Variants in BEND3 observed in about 807,000 individuals in gnomAD.
BEND3 encodes the protein BEN domain containing 3, also known as BEN domain-containing protein 3.
A neutral mutation model predicts 60.1 loss-of-function variants in BEND3; 13 were observed. The ratio of observed to expected loss-of-function variants is 0.22; its 90% CI spans 0.14 to 0.34. The LOEUF (loss-of-function observed/expected upper bound fraction) is 0.34, where lower values mean the gene tolerates loss of function less well. BEND3 is among the 10% of genes least tolerant of loss of function. The pLI is 1.00. For synonymous variants in BEND3, 497 were observed against 491.5 expected (o/e 1.01, Z -0.15); for missense variants, 896 against 1,138.1 (o/e 0.79, Z 3.06).
chr6:107,115,145 C>CGTGGGGGGGAGGGCGCGGGGCCGGGGA lies in BEND3; in HGVS notation c.-94_-68dup, dbSNP rs1309901525. 4.7e-5 allele frequency: 7 copies of CGTGGGGGGGAGGGCGCGGGGCCGGGGA among 149,372 alleles called. No homozygotes were observed. The highest frequency in any genetic ancestry group is 7.3e-5 in the African/African-American group (3 of 40,962). The allele number at this position is 149,372 out of a possible 1,614,324, so 9.3% of individuals were successfully genotyped here. A position where few individuals can be genotyped will look rare whatever the true frequency, so the allele number is the denominator to read the frequency against. ...GGGCCCGCGCCGAGTTTGGGCGCCA[C>CGTGGGGGGGAGGGCGCGGGGCCGGGGA]GTGGGGGGGAGGGCGCGGGGCCGGG... On this transcript the variant is annotated 5_prime_UTR_variant, in exon 1 of 4. Coordinates refer to ENST00000369042, the MANE Select transcript of BEND3 (RefSeq NM_001367314.1).
At chr6:107,107,086 A>G (rs1381852930) in intron 1 of BEND3, among the ~76,000 whole-genome samples, 2 of 151,880 alleles carry the variant, frequency 1.3e-5, no homozygotes, top group African/African-American at 2.4e-5. Context: ...ACAGGCATGC[A>G]CCACCACATC....
At chr6:107,071,336 C>T (rs921315679) in intron 3 of BEND3, among the ~76,000 whole-genome samples, 4 of 152,338 alleles carry the variant, frequency 2.6e-5, no homozygotes, top group African/African-American at 4.8e-5. Context: ...CTGCCGGCCA[C>T]GGGCAGGTCA....
chr6:107,102,572 A>C (rs1554236867), intron 1 of BEND3, among the ~76,000 whole-genome samples: 2 of 152,182 alleles, frequency 1.3e-5, no homozygotes, highest in African/African-American at 2.4e-5. Context: ...TTTGGAAAAC[A>C]CTTCCGTGTC....
At chr6:107,101,035 G>C (rs2783019) in intron 1 of BEND3, among the ~76,000 whole-genome samples, 55,425 of 151,832 alleles carry the variant, frequency 0.37, 10,738 homozygotes, top group African/African-American at 0.49. Context: ...AACCCCATCT[G>C]TACTAAAAAT....
rs372923904 is a variant in BEND3 at position 107,070,900 on chromosome 6, G to T, written c.291C>A (p.Gly97=). 187 of 1,613,724 alleles carry T rather than the reference G, an allele frequency of 1.2e-4. 1 individual carries two copies. Among genetic ancestry groups the T allele is most frequent in the Non-Finnish European group, 1.5e-4 (177 of 1,179,974 alleles). Residue 97 remains glycine (G), a synonymous_variant, in exon 4 of 4, where the codon GGC becomes GGA. Coordinates refer to ENST00000369042, the MANE Select transcript of BEND3 (RefSeq NM_001367314.1). The surrounding 1 kb of genome is among the most constrained non-coding windows in gnomAD (Gnocchi z 6.9). ...RNRENSSPCQ[G]NGEQAGRGRS... is the part of the protein sequence containing the mutation. Reference sequence around the variant, plus strand: ...TGCCCCTGCCGGCCTGCTCACCATTGCCTTGGCAGGGCGAGCTGTTCTCAC... The same window carrying T: ...TGCCCCTGCCGGCCTGCTCACCATTTCCTTGGCAGGGCGAGCTGTTCTCAC...
Position 107,069,037 on chromosome 6 carries a change from G to A in BEND3, c.2154C>T (p.Pro718=), listed in dbSNP as rs1554231313. 3 of 1,613,588 alleles carry A rather than the reference G, an allele frequency of 1.9e-6. No homozygotes were observed. Among genetic ancestry groups the A allele is most frequent in the Non-Finnish European group, 2.5e-6 (3 of 1,180,018 alleles). ...GCACCTCCTTGTCAGACAGCAGGTA[G>A]GGAGAAGGCACCGGGAAGTCAGGCG... ...VPSPDFPVPS[P]YLLSDKEVRE... is the part of the protein sequence containing the mutation. Residue 718 remains proline (P), a synonymous_variant, in exon 4 of 4, where the codon CCC becomes CCT. Coordinates refer to ENST00000369042, the MANE Select transcript of BEND3 (RefSeq NM_001367314.1).
chr6:107,100,025 G>A (rs949328284), intron 1 of BEND3, among the ~76,000 whole-genome samples: 8 of 151,690 alleles, frequency 5.3e-5, no homozygotes, highest in Admixed American at 5.3e-4. Flanking sequence ...ACCACATGCC[G>A]CCACCCACAG....
intron 1 of BEND3, among the ~76,000 whole-genome samples, chr6:107,112,884 C>T (rs1474518156): frequency 6.6e-6 from 1 of 150,764 alleles, no homozygotes; most frequent in Non-Finnish European, 1.5e-5. Context: ...AAAGGCTGGG[C>T]GCGGTGGCTC....
rs1489381396 is a variant in BEND3 at position 107,098,911 on chromosome 6, A to G, written c.38-158T>C. Among the ~76,000 whole-genome samples the G allele has an allele frequency of 2.6e-5, 4 of 152,166 alleles. No homozygotes were observed. The South Asian group carries it at 8.3e-4, about 32-fold the overall frequency. On this transcript the variant is annotated intron_variant, in intron 2 of 3. Coordinates refer to ENST00000369042, the MANE Select transcript of BEND3 (RefSeq NM_001367314.1). The stretch of plus-strand genomic sequence containing the variant: ...ACAAACCTGAGCTTTCCAACGATGC[A>G]ATCTTTATCTCACCGCACTAGTGCT...
At chr6:107,110,345 T>C (rs1357131160) in intron 1 of BEND3, among the ~76,000 whole-genome samples, 1 of 152,208 alleles carries the variant, frequency 6.6e-6, no homozygotes, top group African/African-American at 2.4e-5. Context: ...GATACTGGCA[T>C]GGAGAGCTCT....
In BEND3 at chr6:107,086,483, C is replaced by T. The variant is rs141059533; in HGVS notation, c.240+12068G>A. On this transcript the variant is annotated intron_variant, in intron 3 of 3. Transcript: ENST00000369042. ...TACAACAATTAGCCGTGCATGGTGG[C>T]GTGCGCCTGTAGTCCCAGCTACTTG... is the stretch of plus-strand genomic sequence containing the variant. Among the ~76,000 whole-genome samples the T allele has an allele frequency of 4.8e-3, 723 of 151,158 alleles. 11 individuals are homozygous for T. Among genetic ancestry groups the T allele is most frequent in the African/African-American group, 0.017 (695 of 41,170 alleles).
At chr6:107,112,277 G>T (rs1770121212) in intron 1 of BEND3, among the ~76,000 whole-genome samples, 1 of 152,044 alleles carries the variant, frequency 6.6e-6, no homozygotes, top group Non-Finnish European at 1.5e-5. Flanking sequence ...CCTGTGTCAG[G>T]GCTCACTCCA....
Position 107,099,236 on chromosome 6 carries a change from ATT to A in BEND3, c.37+11_37+12del. 4 of 1,487,694 alleles carry A rather than the reference ATT, an allele frequency of 2.7e-6. No individual in the cohort carries two copies. The highest frequency in any genetic ancestry group is 2.8e-5 in the African/African-American group (2 of 71,602). 92.2% of individuals were successfully genotyped at this position (1,487,694 alleles called of 1,614,324 possible). On this transcript the variant is annotated intron_variant, in intron 2 of 3. Coordinates refer to ENST00000369042, the MANE Select transcript of BEND3 (RefSeq NM_001367314.1). Reference sequence around the variant, plus strand: ...GTTAAAAACATTTTTCAAAAAGGGCATTTTTTTTTTACCTTCTTCTACATCTT... The same window carrying A: ...GTTAAAAACATTTTTCAAAAAGGGCATTTTTTTTACCTTCTTCTACATCTT...
intron 2 of BEND3, 101 bp from the exon 3 acceptor site, chr6:107,098,854 C>T (rs560284106): frequency 9.7e-6 from 9 of 926,064 alleles, no homozygotes; most frequent in African/African-American, 1.6e-5. Context: ...CGCCCTTTGA[C>T]ACCAGTGCTG....
At position 107,070,515 on chromosome 6, in the gene BEND3, G is replaced by C. The variant is rs781866064; in HGVS notation, c.676C>G (p.Arg226Gly). Residue 226 changes from arginine (R) to glycine (G), a missense_variant, in exon 4 of 4, where the codon CGC (arginine) becomes GGC (glycine). Coordinates refer to ENST00000369042, the MANE Select transcript of BEND3 (RefSeq NM_001367314.1). This position sits in a 1 kb window ranked among gnomAD's most constrained non-coding sequence, Gnocchi z 6.9. Reference protein sequence around the residue: ...KVDLLSLEVSRIKKQVSPTEM... With the variant: ...KVDLLSLEVSGIKKQVSPTEM... ...GTGGGGCTCACCTGCTTCTTGATGC[G>C]GCTCACCTCAAGGGAGAGCAGGTCC... The C allele has an allele frequency of 6.2e-7, 1 of 1,613,892 alleles. No homozygotes were observed.
chr6:107,089,480 G>C (rs1485900055), intron 3 of BEND3, among the ~76,000 whole-genome samples: 1 of 151,254 alleles, frequency 6.6e-6, no homozygotes, highest in African/African-American at 2.4e-5. Context: ...CAGCTACTCG[G>C]GAGTCTGAGG....
intron 3 of BEND3, among the ~76,000 whole-genome samples, chr6:107,091,408 A>C (rs942876925): frequency 6.6e-6 from 1 of 152,170 alleles, no homozygotes; most frequent in Non-Finnish European, 1.5e-5. Context: ...TAAAATCCAT[A>C]TGCCTCTAGC....
Position 107,077,571 on chromosome 6 carries a change from A to G in BEND3, c.241-6621T>C, listed in dbSNP as rs1554232913. Among the ~76,000 whole-genome samples, 31 of 152,292 alleles carry G rather than the reference A, an allele frequency of 2.0e-4. 1 individual carries two copies. On this transcript the variant is annotated intron_variant, in intron 3 of 3. Transcript: ENST00000369042. The stretch of plus-strand genomic sequence containing the variant: ...AAGGATGTGCTAAGATGGCCGAAGA[A>G]ACAAGATTCTGGGGAGATAAAGCAA...
Position 107,069,134 on chromosome 6 carries a change from C to T in BEND3, c.2057G>A (p.Gly686Glu). 6.2e-7 allele frequency: 1 copy of T among 1,612,662 alleles called. No individual in the cohort carries two copies. The highest frequency in any genetic ancestry group is 8.5e-7 in the Non-Finnish European group (1 of 1,179,980). ...GCTCCTCTCGGGGGGCAGTGGGGGC[C>T]CCTCAAACTCCTCCCGGAACCTCTC... ...NPERFREEFE[G>E]PPLPPERSSK... The change falls in exon 4 of 4, where the codon GGG becomes GAG. Residue 686 changes from glycine to glutamate, a missense_variant. Gly to Glu is a moderately conservative substitution (Grantham distance 98, BLOSUM62 -2). Around this residue, in one of 4 missense-constraint regions of BEND3, gnomAD observed 846 missense variants for 1,036.7 expected, o/e 0.82. Transcript: ENST00000369042.
Sources: allele counts gnomAD v4.1 joint callset (sites outside exome capture counted in the v4.1 genomes callset), GRCh38; gene constraint gnomAD v4.1.1; regional missense constraint gnomAD v4.1.1; non-coding constraint Gnocchi (gnomAD v3.1); transcripts MANE v1.5; gene names NCBI Gene and HGNC (gene_info 2026-07-23, HGNC 2026-07-21).